Variants in DROSHA observed in about 807,000 individuals in gnomAD.
DROSHA encodes ribonuclease 3.
A neutral mutation model predicts 181.9 loss-of-function variants in DROSHA; 56 were observed. That is an observed-to-expected ratio of 0.31 (90% CI 0.25 to 0.38). The LOEUF (loss-of-function observed/expected upper bound fraction) is 0.38, where lower values mean the gene tolerates loss of function less well. Among genes scored for constraint, DROSHA ranks in the 10% least tolerant of loss-of-function variants. The pLI is 1.00. For missense variants in DROSHA, 1,218 were observed against 1,743.5 expected, an observed-to-expected ratio of 0.70 and a Z score of 5.37; for synonymous variants, 524 against 591.2, an observed-to-expected ratio of 0.89 and a Z score of 1.65.
At chr5:31,405,425 C>T (rs1308351611) in intron 35 of DROSHA, among the ~76,000 whole-genome samples, 2 of 151,680 alleles carry the variant, frequency 1.3e-5, no homozygotes, top group Non-Finnish European at 2.9e-5. Context: ...CACAGGTCAC[C>T]CGCGCTGAGA....
rs1437678094 is a variant in DROSHA at position 31,401,137 on chromosome 5, C to G, written c.*295G>C. Reference sequence around the variant, plus strand: ...TGGGACACAGATGGAAAAACAGGATCTATTCCACATAGAATATGCTTCTTG... The same window carrying G: ...TGGGACACAGATGGAAAAACAGGATGTATTCCACATAGAATATGCTTCTTG... On this transcript the variant is annotated 3_prime_UTR_variant, in exon 36 of 36. Coordinates refer to ENST00000344624, the MANE Select transcript of DROSHA (RefSeq NM_001382508.1). 9.0e-6 allele frequency: 3 copies of G among 334,424 alleles called. No homozygotes were observed. The highest frequency in any genetic ancestry group is 5.7e-6 in the Non-Finnish European group (1 of 173,960). The allele number at this position is 334,424 out of a possible 1,614,324, so 20.7% of individuals were successfully genotyped here. A position where few individuals can be genotyped will look rare whatever the true frequency, so the allele number is the denominator to read the frequency against.
intron 30 of DROSHA, among the ~76,000 whole-genome samples, chr5:31,419,875 T>C (rs938170353): frequency 6.6e-6 from 1 of 152,204 alleles, no homozygotes; most frequent in African/African-American, 2.4e-5. Context: ...CTATAGTTCA[T>C]TTCTCAAAAA....
Position 31,409,063 on chromosome 5 carries a change from G to A in DROSHA, c.3847C>T (p.Leu1283=). ...CAGGCAACAAGTACTTACTTGTACAGAGGAATGTCTGGCTCTTTTCCTTCT... is the reference window on the plus strand; with the variant it reads ...CAGGCAACAAGTACTTACTTGTACAAAGGAATGTCTGGCTCTTTTCCTTCT... ...RTEGKEPDIP[L]YKTLQTVGPS... Residue 1283 remains leucine, a synonymous_variant, in exon 33 of 36, where the codon CTG becomes TTG. Coordinates refer to ENST00000344624, the MANE Select transcript of DROSHA (RefSeq NM_001382508.1). The surrounding 1 kb of genome is among the most constrained non-coding windows in gnomAD (Gnocchi z 4.0). 1 of 1,613,730 alleles carries A rather than the reference G, an allele frequency of 6.2e-7. No individual in the cohort carries two copies. Among genetic ancestry groups the A allele is most frequent in the Non-Finnish European group, 8.5e-7 (1 of 1,179,742 alleles).
chr5:31,473,724 A>C (rs1750025378), intron 16 of DROSHA, among the ~76,000 whole-genome samples: 1 of 152,222 alleles, frequency 6.6e-6, no homozygotes, highest in Non-Finnish European at 1.5e-5. Flanking sequence ...TCACGTAGGC[A>C]AAACTTGAAA....
chr5:31,408,031 T>A (rs1465872315), intron 33 of DROSHA, among the ~76,000 whole-genome samples: 1 of 152,186 alleles, frequency 6.6e-6, no homozygotes, highest in Non-Finnish European at 1.5e-5. Context: ...TGGTGTAATT[T>A]ATAGTAGCTT....
Position 31,405,767 on chromosome 5 carries a change from CTTTTTTTTTTTT to C in DROSHA, c.3948-56_3948-45del, listed in dbSNP as rs67380927. 4.9e-4 allele frequency: 232 copies of C among 469,320 alleles called. 2 individuals carry two copies. Among genetic ancestry groups the C allele is most frequent in the Admixed American group, 7.9e-4 (13 of 16,454 alleles). 29.1% of individuals were successfully genotyped at this position (469,320 alleles called of 1,614,324 possible). On this transcript the variant is annotated intron_variant, in intron 34 of 35. Coordinates refer to ENST00000344624, the MANE Select transcript of DROSHA (RefSeq NM_001382508.1). Reference sequence around the variant, plus strand: ...TAAGACATACTTTAATTTCAAGATTCTTTTTTTTTTTTTTTTTTTTTTTTCAAAAAATGCAAG... The same window carrying C: ...TAAGACATACTTTAATTTCAAGATTCTTTTTTTTTTTTCAAAAAATGCAAG...
intron 5 of DROSHA, among the ~76,000 whole-genome samples, chr5:31,523,924 G>A (rs1343857120): frequency 1.1e-4 from 16 of 144,232 alleles, no homozygotes; most frequent in Non-Finnish European, 1.3e-4. Context: ...GCAGTGAGCC[G>A]AGATCGCGCC....
At position 31,409,208 on chromosome 5, in the gene DROSHA, A is replaced by G; in HGVS notation, c.3750+42T>C. The G allele has an allele frequency of 6.2e-7, 1 of 1,607,020 alleles. No homozygotes were observed. Among genetic ancestry groups the G allele is most frequent in the Non-Finnish European group, 8.5e-7 (1 of 1,176,324 alleles). On this transcript the variant is annotated intron_variant, in intron 32 of 35. Transcript: ENST00000344624. This position sits in a 1 kb window ranked among gnomAD's most constrained non-coding sequence, Gnocchi z 4.0. ...TTAGTAATGGGTTCTGGAATCACCA[A>G]ACATAAAGCAGACCACTAATTCAAA...
chr5:31,449,506 C>A, intron 21 of DROSHA, 87 bp from the exon 22 acceptor site: 1 of 1,398,236 alleles, frequency 7.2e-7, no homozygotes, highest in Non-Finnish European at 9.6e-7. Context: ...GGTGGAGGGA[C>A]CACTTTAGCC....
In DROSHA at chr5:31,408,990, G is replaced by A. The variant is rs1381554201; in HGVS notation, c.3854+66C>T. Reference sequence around the variant, plus strand: ...ACCCCACAATGACTCATTCTTCAAGGCACATGGAAAGTCAATTTTAGGCAT... The same window carrying A: ...ACCCCACAATGACTCATTCTTCAAGACACATGGAAAGTCAATTTTAGGCAT... On this transcript the variant is annotated intron_variant, in intron 33 of 35. Transcript: ENST00000344624. 4.2e-6 allele frequency: 6 copies of A among 1,436,976 alleles called. No homozygotes were observed. The East Asian group carries it at 1.1e-4, about 27-fold the overall frequency. 89.0% of individuals were successfully genotyped at this position (1,436,976 alleles called of 1,614,324 possible).
chr5:31,472,599 T>A (rs1749858657), intron 16 of DROSHA, among the ~76,000 whole-genome samples: 1 of 152,242 alleles, frequency 6.6e-6, no homozygotes, highest in Admixed American at 6.5e-5. Context: ...AAATATTTTA[T>A]CATTCTTTCT....
chr5:31,501,872 A>G (rs1753611950), intron 11 of DROSHA, among the ~76,000 whole-genome samples: 1 of 152,148 alleles, frequency 6.6e-6, no homozygotes, highest in Admixed American at 6.5e-5. Context: ...AGAACCTCAC[A>G]CTGCTCCATT....
At chr5:31,474,872 C>A (rs959083069) in intron 16 of DROSHA, among the ~76,000 whole-genome samples, 1 of 152,170 alleles carries the variant, frequency 6.6e-6, no homozygotes, top group Non-Finnish European at 1.5e-5. Context: ...ATCAACAACC[C>A]AACCACGATG....
intron 30 of DROSHA, among the ~76,000 whole-genome samples, chr5:31,413,268 G>C (rs779347750): frequency 1.4e-4 from 22 of 152,214 alleles, no homozygotes; most frequent in Non-Finnish European, 2.2e-4. Context: ...AGATCTGTAA[G>C]TTCTTGCCAA....
At chr5:31,439,048 T>C (rs1745226862) in intron 23 of DROSHA, among the ~76,000 whole-genome samples, 1 of 152,148 alleles carries the variant, frequency 6.6e-6, no homozygotes, top group South Asian at 2.1e-4. Flanking sequence ...ACTGAGGCCC[T>C]TGATAGGCTA....
chr5:31,424,098 GTA>G (rs1333958178), intron 28 of DROSHA, among the ~76,000 whole-genome samples: 1 of 152,198 alleles, frequency 6.6e-6, no homozygotes, highest in Non-Finnish European at 1.5e-5. Flanking sequence ...AAGCAAGTGT[GTA>G]GATATACTGG....
Position 31,421,320 on chromosome 5 carries a change from T to C in DROSHA, c.3477A>G (p.Thr1159=). Residue 1159 remains threonine (T), a synonymous_variant, in exon 30 of 36, where the codon ACA becomes ACG. Transcript: ENST00000344624. The part of the protein sequence containing the change: ...LGDSIMQLVA[T]EYLFIHFPDH... ...CTGGGAAATGAATGAATAAGTACTC[T>C]GTGGCTACCAGTTGCATTATGGAGT... The C allele has an allele frequency of 1.9e-6, 3 of 1,613,762 alleles. No individual in the cohort carries two copies. Among genetic ancestry groups the C allele is most frequent in the Non-Finnish European group, 2.5e-6 (3 of 1,179,742 alleles).
At chr5:31,405,245 G>A (rs1347033136) in intron 35 of DROSHA, among the ~76,000 whole-genome samples, 1 of 152,040 alleles carries the variant, frequency 6.6e-6, no homozygotes, top group Non-Finnish European at 1.5e-5. Context: ...GGAGGCACCT[G>A]TAATCCCAGC....
At chr5:31,416,296 T>C (rs1328766889) in intron 30 of DROSHA, among the ~76,000 whole-genome samples, 1 of 152,238 alleles carries the variant, frequency 6.6e-6, no homozygotes, top group Non-Finnish European at 1.5e-5. Flanking sequence ...TTCCCTTATA[T>C]ATAAAGCAAC....
Sources: gnomAD v4.1 joint callset for allele counts (sites outside exome capture counted in the v4.1 genomes callset) on GRCh38, gnomAD v4.1.1 for gene constraint, Gnocchi (gnomAD v3.1) non-coding constraint, MANE v1.5 for transcripts, NCBI Gene and HGNC (gene_info 2026-07-23, HGNC 2026-07-21) for gene names.